Variants in ASCC1 observed in about 807,000 individuals in gnomAD.
ASCC1 encodes activating signal cointegrator 1 complex subunit 1, also known as ASC-1 complex subunit P50.
Under a neutral mutation model 46.6 loss-of-function variants are expected in ASCC1, and 35 were observed. The ratio of observed to expected loss-of-function variants is 0.75; its 90% CI spans 0.57 to 0.99. The LOEUF (loss-of-function observed/expected upper bound fraction) is 0.99. Among genes scored for constraint, ASCC1 ranks in the 50% least tolerant of loss-of-function variants. ASCC1 has a pLI of 0.00. For synonymous variants in ASCC1, 143 were observed against 146.6 expected, an observed-to-expected ratio of 0.98 and a Z score of 0.18; for missense variants, 376 against 428.7, an observed-to-expected ratio of 0.88 and a Z score of 1.09.
rs192954735 is a variant in ASCC1, at chr10:72,116,300, T to C, written c.957+11782A>G. On this transcript the variant is annotated intron_variant, in intron 9 of 9. Coordinates refer to ENST00000672957, the MANE Select transcript of ASCC1 (RefSeq NM_001198800.3). Reference sequence around the variant, plus strand: ...ACTTCCTGCTTTTTGTTCTTTGTAATGTAGATACTGCCATTAAATTTTGGC... The same window carrying C: ...ACTTCCTGCTTTTTGTTCTTTGTAACGTAGATACTGCCATTAAATTTTGGC... Among the ~76,000 whole-genome samples, 206 of 152,372 alleles carry C rather than the reference T, an allele frequency of 1.4e-3. 1 individual carries two copies. Among genetic ancestry groups the C allele is most frequent in the African/African-American group, 4.4e-3 (182 of 41,584 alleles).
chr10:72,138,698 A>T (rs941999337), intron 7 of ASCC1, among the ~76,000 whole-genome samples: 1 of 143,880 alleles, frequency 7.0e-6, no homozygotes, highest in South Asian at 2.1e-4. Context: ...CCATCTCCCG[A>T]GTAGCTGGGA....
At chr10:72,136,553 C>G (rs912391890) in intron 7 of ASCC1, among the ~76,000 whole-genome samples, 1 of 152,178 alleles carries the variant, frequency 6.6e-6, no homozygotes. Context: ...ATGGACCAAT[C>G]AGAATGGGCC....
At chr10:72,126,328 T>C (rs901728748) in intron 9 of ASCC1, among the ~76,000 whole-genome samples, 2 of 152,190 alleles carry the variant, frequency 1.3e-5, no homozygotes, top group Non-Finnish European at 2.9e-5. Flanking sequence ...CTAAAAGTGA[T>C]TGGGCTTGAA....
chr10:72,174,274 T>A (rs1227774967), intron 5 of ASCC1, among the ~76,000 whole-genome samples: 2 of 152,188 alleles, frequency 1.3e-5, no homozygotes, highest in Non-Finnish European at 2.9e-5. Context: ...TGGCATCACT[T>A]TTAATCCAGC....
intron 9 of ASCC1, among the ~76,000 whole-genome samples, chr10:72,098,361 C>T (rs1406603822): frequency 3.9e-5 from 6 of 152,186 alleles, no homozygotes; most frequent in Non-Finnish European, 8.8e-5. Context: ...CCCAAGAAAG[C>T]CTTGGTTGTT....
intron 7 of ASCC1, among the ~76,000 whole-genome samples, chr10:72,146,169 G>C (rs550558282): frequency 6.6e-6 from 1 of 152,156 alleles, no homozygotes; most frequent in Non-Finnish European, 1.5e-5. Context: ...TGCCCTTCCC[G>C]ACAGCCCTGG....
intron 4 of ASCC1, among the ~76,000 whole-genome samples, chr10:72,200,293 T>A (rs963213540): frequency 6.6e-6 from 1 of 152,200 alleles, no homozygotes; most frequent in South Asian, 2.1e-4. Flanking sequence ...GACTTCCATG[T>A]ATACCTTATA....
intron 5 of ASCC1, among the ~76,000 whole-genome samples, chr10:72,172,764 ATATATTATATTTTT>A (rs1257134664): frequency 5.4e-4 from 57 of 105,152 alleles, no homozygotes; most frequent in African/African-American, 1.4e-3. Context: ...TTTTTATATT[ATATATTATATTTTT>A]TATATTATAT....
At chr10:72,172,088 T>TA (rs1262311731) in intron 5 of ASCC1, among the ~76,000 whole-genome samples, 1 of 152,134 alleles carries the variant, frequency 6.6e-6, no homozygotes, top group African/African-American at 2.4e-5. Flanking sequence ...TGATGTGTGT[T>TA]ACATTTAACA....
At position 72,211,536 on chromosome 10, in the gene ASCC1, C is replaced by G. The variant is rs564817831; in HGVS notation, c.113-705G>C. Among the ~76,000 whole-genome samples, 54 of 152,142 alleles carry G rather than the reference C, an allele frequency of 3.5e-4. No individual in the cohort carries two copies. The South Asian group carries it at 0.01, about 29-fold the overall frequency. ...GCCCGGGAGGTGAGGCTGCAGTGAA[C>G]CAAGGTCGTGCCACTGCACTCCAGA... On this transcript the variant is annotated intron_variant, in intron 2 of 9. Transcript: ENST00000672957.
rs1460756456 is a variant in ASCC1 at position 72,165,907 on chromosome 10, G to T, written c.490-4233C>A. Among the ~76,000 whole-genome samples the T allele has an allele frequency of 2.0e-5, 3 of 152,266 alleles. No homozygotes were observed. The East Asian group carries it at 5.8e-4, about 29-fold the overall frequency. On this transcript the variant is annotated intron_variant, in intron 5 of 9. Transcript: ENST00000672957. ...TGAGAACTGCTCCCCAGCAATAACG[G>T]TAATATTTGTTGGGCCCTTGCTCTG...
At chr10:72,125,179 A>C (rs961998110) in intron 9 of ASCC1, among the ~76,000 whole-genome samples, 1 of 152,234 alleles carries the variant, frequency 6.6e-6, no homozygotes, top group Non-Finnish European at 1.5e-5. Context: ...TTACTCATTA[A>C]ATTCTTACAG....
At chr10:72,183,582 G>A in intron 5 of ASCC1, among the ~76,000 whole-genome samples, 1 of 152,036 alleles carries the variant, frequency 6.6e-6, no homozygotes, top group East Asian at 1.9e-4. Context: ...CCCAGAGGTG[G>A]AGGTTGCAGT....
chr10:72,152,209 TAGAG>T (rs1257642955), intron 7 of ASCC1, among the ~76,000 whole-genome samples: 2 of 149,884 alleles, frequency 1.3e-5, no homozygotes, highest in Non-Finnish European at 3.0e-5. Context: ...TTTTTTTGTA[TAGAG>T]AGAGTTTCTT....
intron 5 of ASCC1, among the ~76,000 whole-genome samples, chr10:72,190,972 G>A (rs1854363555): frequency 7.1e-6 from 1 of 140,804 alleles, no homozygotes; most frequent in Admixed American, 7.0e-5. Context: ...CTCCAGCCTT[G>A]GCGACAGAGC....
chr10:72,213,470 G>A (rs1308489791), intron 1 of ASCC1, 139 bp from the exon 2 acceptor site: 1 of 622,054 alleles, frequency 1.6e-6, no homozygotes, highest in Non-Finnish European at 3.0e-6. Flanking sequence ...TTTCCCATTG[G>A]ATTTCCCATC....
intron 9 of ASCC1, among the ~76,000 whole-genome samples, chr10:72,121,864 T>C (rs1844247837): frequency 1.3e-5 from 2 of 152,178 alleles, no homozygotes; most frequent in Non-Finnish European, 1.5e-5. Flanking sequence ...TCAGTGAGGA[T>C]ATAGTAGAAC....
intron 4 of ASCC1, among the ~76,000 whole-genome samples, chr10:72,202,125 G>T (rs1426852574): frequency 5.3e-5 from 8 of 151,968 alleles, no homozygotes; most frequent in Non-Finnish European, 1.2e-4. Context: ...AAAAGAAAAA[G>T]AAAATGGGTT....
At chr10:72,173,898 G>C (rs1851546431) in intron 5 of ASCC1, among the ~76,000 whole-genome samples, 1 of 152,234 alleles carries the variant, frequency 6.6e-6, no homozygotes, top group Non-Finnish European at 1.5e-5. Flanking sequence ...TACTCCATTA[G>C]GTTGGCCACC....
Sources: allele counts gnomAD v4.1 joint callset (sites outside exome capture counted in the v4.1 genomes callset), GRCh38; gene constraint gnomAD v4.1.1; transcripts MANE v1.5; gene names NCBI Gene and HGNC (gene_info 2026-07-23, HGNC 2026-07-21).